Variants in TRPM1 observed in about 807,000 individuals in gnomAD.
The protein encoded by TRPM1 is transient receptor potential cation channel subfamily M member 1.
A neutral mutation model predicts 149.4 loss-of-function variants in TRPM1; 113 were observed. That is an observed-to-expected ratio of 0.76 (90% CI 0.65 to 0.88). TRPM1 has a LOEUF of 0.88. TRPM1 is among the 40% of genes least tolerant of loss of function. The probability of loss-of-function intolerance (pLI) is 0.00; values close to 1 mark genes in which losing one functional copy is unlikely to be tolerated. For synonymous variants in TRPM1, 741 were observed against 759.5 expected, an observed-to-expected ratio of 0.98 and a Z score of 0.40; for missense variants, 1,976 against 2,038.7, an observed-to-expected ratio of 0.97 and a Z score of 0.59.
chr15:31,140,984 G>C (rs1359807226), intron 1 of TRPM1, among the ~76,000 whole-genome samples: 2 of 151,136 alleles, frequency 1.3e-5, no homozygotes, highest in Non-Finnish European at 2.9e-5. Context: ...ACTGCATCCA[G>C]CTAATTTTTT....
intron 7 of TRPM1, among the ~76,000 whole-genome samples, chr15:31,064,736 GA>G (rs2034323028): frequency 6.6e-6 from 1 of 152,194 alleles, no homozygotes; most frequent in African/African-American, 2.4e-5. Context: ...TTGCTTCCAT[GA>G]GGTGTTTCTA....
At chr15:31,023,449 G>A (rs2032617309) in intron 27 of TRPM1, among the ~76,000 whole-genome samples, 1 of 152,210 alleles carries the variant, frequency 6.6e-6, no homozygotes, top group Non-Finnish European at 1.5e-5. Flanking sequence ...GGAGGGAACA[G>A]GACCCCATGA....
intron 1 of TRPM1, among the ~76,000 whole-genome samples, chr15:31,125,090 G>A (rs528694433): frequency 2.6e-4 from 40 of 152,204 alleles, no homozygotes; most frequent in African/African-American, 8.7e-4. Context: ...TAGGAGAATT[G>A]CTTGAACCTG....
At chr15:31,030,680 G>A (rs1335820398) in intron 23 of TRPM1, among the ~76,000 whole-genome samples, 1 of 152,148 alleles carries the variant, frequency 6.6e-6, no homozygotes, top group Non-Finnish European at 1.5e-5. Context: ...CTGGGGTGGG[G>A]AGATACTGGG....
intron 1 of TRPM1, among the ~76,000 whole-genome samples, chr15:31,092,958 G>A (rs1237030603): frequency 1.3e-5 from 2 of 152,168 alleles, no homozygotes; most frequent in Admixed American, 6.5e-5. Context: ...TACAGATGAA[G>A]TTCAAAATAA....
chr15:31,088,837 G>A (rs976168040), intron 1 of TRPM1, among the ~76,000 whole-genome samples: 1 of 150,588 alleles, frequency 6.6e-6, no homozygotes, highest in Admixed American at 6.7e-5. Context: ...TTGTACCGGG[G>A]CGATGCGATA....
Position 31,031,096 on chromosome 15 carries a change from G to A in TRPM1, c.3014C>T (p.Ala1005Val), listed in dbSNP as rs1397454999. The change falls in exon 23 of 28, where the codon GCC becomes GTC. Residue 1005 changes from alanine to valine, a missense_variant. Transcript: ENST00000256552. ...CTCTGGATGCAGAATGGCTTGACGGGCTACTCCGAAACTCATGAGCACGAC... is the reference window on the plus strand; with the variant it reads ...CTCTGGATGCAGAATGGCTTGACGGACTACTCCGAAACTCATGAGCACGAC... Reference protein sequence around the residue: ...MLVVLMSFGVARQAILHPEEK... With the variant: ...MLVVLMSFGVVRQAILHPEEK... 2 of 1,614,144 alleles carry A rather than the reference G, an allele frequency of 1.2e-6. No homozygotes were observed. Among genetic ancestry groups the A allele is most frequent in the South Asian group, 1.1e-5 (1 of 91,074 alleles).
At chr15:31,098,485 G>A (rs2035442468) in intron 1 of TRPM1, among the ~76,000 whole-genome samples, 1 of 152,148 alleles carries the variant, frequency 6.6e-6, no homozygotes, top group Non-Finnish European at 1.5e-5. Context: ...TCCACAGCAC[G>A]GGAGAGTAGG....
chr15:31,042,380 C>A (rs567299421), intron 16 of TRPM1, 137 bp from the exon 17 acceptor site: 11 of 866,486 alleles, frequency 1.3e-5, no homozygotes, highest in Non-Finnish European at 1.8e-5. Context: ...ATTTCCACTC[C>A]GCATATGAAT....
intron 27 of TRPM1, among the ~76,000 whole-genome samples, chr15:31,024,145 T>C (rs2032641146): frequency 6.6e-6 from 1 of 152,000 alleles, no homozygotes. Flanking sequence ...ACAGACTGAA[T>C]AGTGCTGGCG....
At chr15:31,018,857 T>C (rs1047920652) in intron 27 of TRPM1, among the ~76,000 whole-genome samples, 1 of 152,248 alleles carries the variant, frequency 6.6e-6, no homozygotes, top group Non-Finnish European at 1.5e-5. Context: ...AGTTTTGCCA[T>C]GTTGGCCAAG....
Position 31,067,107 on chromosome 15 carries a change from G to A in TRPM1, c.574C>T (p.Pro192Ser), listed in dbSNP as rs753904570. 1.9e-6 allele frequency: 3 copies of A among 1,614,002 alleles called. No individual in the cohort carries two copies. The highest frequency in any genetic ancestry group is 1.3e-5 in the African/African-American group (1 of 74,894). The change falls in exon 6 of 28, where the codon CCA becomes TCA. Residue 192 changes from proline to serine, a missense_variant. By Grantham distance (74) the Pro-to-Ser change is moderately conservative. Transcript: ENST00000256552. ...RGRVCAIGIA[P>S]WGIVENKEDL... ...TCCTTATTCTCCACGATGCCCCATG[G>A]AGCAATTCCTATAGCACAAACCCGG...
chr15:31,001,251 C>A lies in TRPM1; in HGVS notation c.*571G>T, dbSNP rs11070718. 1 of 151,926 alleles carries A rather than the reference C, an allele frequency of 6.6e-6. No homozygotes were observed. The highest frequency in any genetic ancestry group is 2.4e-5 in the African/African-American group (1 of 41,356). 9.4% of individuals were successfully genotyped at this position (151,926 alleles called of 1,614,324 possible). A position where few individuals can be genotyped will look rare whatever the true frequency, so the allele number is the denominator to read the frequency against. Reference sequence around the variant, plus strand: ...GCTCCTTCCCACTTATTGTGCCTCACAATTTTATTTTTCTTCTTTCCACCC... The same window carrying A: ...GCTCCTTCCCACTTATTGTGCCTCAAAATTTTATTTTTCTTCTTTCCACCC... On this transcript the variant is annotated 3_prime_UTR_variant, in exon 28 of 28. Transcript: ENST00000256552.
intron 2 of TRPM1, among the ~76,000 whole-genome samples, chr15:31,079,858 G>C (rs1052725551): frequency 6.6e-6 from 1 of 152,156 alleles, no homozygotes; most frequent in African/African-American, 2.4e-5. Flanking sequence ...AAGGAATCCA[G>C]GGCTGGGGCG....
At position 31,094,535 on chromosome 15, in the gene TRPM1, G is replaced by A. The variant is rs79060403; in HGVS notation, c.-84+7122C>T. On this transcript the variant is annotated intron_variant, in intron 1 of 27. Coordinates refer to ENST00000256552, the MANE Select transcript of TRPM1 (RefSeq NM_001252024.2). ...CAACTCAACAACAAAAAGACAACCCGATTAAAAACTGGGCAAAGGACTTGA... is the reference window on the plus strand; with the variant it reads ...CAACTCAACAACAAAAAGACAACCCAATTAAAAACTGGGCAAAGGACTTGA... 7.9e-3 allele frequency among the ~76,000 whole-genome samples: 1,199 copies of A among 152,164 alleles called. 19 individuals carry two copies. The highest frequency in any genetic ancestry group is 0.027 in the African/African-American group (1,117 of 41,510).
chr15:31,061,983 C>T (rs1419031393), intron 9 of TRPM1, among the ~76,000 whole-genome samples: 4 of 152,134 alleles, frequency 2.6e-5, no homozygotes, highest in Admixed American at 2.0e-4. Context: ...CCACTGTGCC[C>T]GGCTGATTTC....
intron 11 of TRPM1, among the ~76,000 whole-genome samples, chr15:31,053,259 C>A (rs1175075314): frequency 6.6e-6 from 1 of 151,232 alleles, no homozygotes; most frequent in Admixed American, 6.6e-5. Flanking sequence ...TTTTTTTTTC[C>A]TTTTATTTGA....
chr15:31,130,925 T>C (rs1167128977), intron 1 of TRPM1, among the ~76,000 whole-genome samples: 1 of 152,182 alleles, frequency 6.6e-6, no homozygotes, highest in African/African-American at 2.4e-5. Flanking sequence ...ACTCTCTCCA[T>C]TGCAATTCCC....
chr15:31,145,006 G>A (rs1567078546), intron 1 of TRPM1, among the ~76,000 whole-genome samples: 1 of 152,098 alleles, frequency 6.6e-6, no homozygotes, highest in Non-Finnish European at 1.5e-5. Context: ...GTGAGCCACC[G>A]CACCCAGCCC....
Sources: gnomAD v4.1 joint callset for allele counts (sites outside exome capture counted in the v4.1 genomes callset) on GRCh38, gnomAD v4.1.1 for gene constraint, MANE v1.5 for transcripts, NCBI Gene and HGNC (gene_info 2026-07-23, HGNC 2026-07-21) for gene names.